TPCN1: variants seen among roughly 807,000 people sequenced by gnomAD.
The protein encoded by TPCN1 is two pore channel protein 1.
A neutral mutation model predicts 108.8 loss-of-function variants in TPCN1; 52 were observed. The ratio of observed to expected loss-of-function variants is 0.48; its 90% CI spans 0.38 to 0.60. The LOEUF (loss-of-function observed/expected upper bound fraction) is 0.60. Among genes scored for constraint, TPCN1 ranks in the 20% least tolerant of loss-of-function variants. The pLI, the probability that TPCN1 is intolerant of heterozygous loss-of-function variation, is 0.00. For missense variants in TPCN1, 806 were observed against 1,072.8 expected, an observed-to-expected ratio of 0.75 and a Z score of 3.47; for synonymous variants, 446 against 433.7, an observed-to-expected ratio of 1.03 and a Z score of -0.35.
chr12:113,229,287 G>A (rs1289277403), intron 2 of TPCN1, among the ~76,000 whole-genome samples: 1 of 152,206 alleles, frequency 6.6e-6, no homozygotes, highest in African/African-American at 2.4e-5. Flanking sequence ...TTCTTACTGG[G>A]TCATTTTTTA....
chr12:113,245,236 T>A (rs1009469672), intron 2 of TPCN1, among the ~76,000 whole-genome samples: 4 of 151,576 alleles, frequency 2.6e-5, no homozygotes, highest in Admixed American at 2.6e-4. Context: ...ACCACTGCAC[T>A]CCAGCCTGGG....
At chr12:113,258,608 T>TC (rs916887212) in intron 2 of TPCN1, among the ~76,000 whole-genome samples, 5 of 152,030 alleles carry the variant, frequency 3.3e-5, no homozygotes, top group African/African-American at 4.8e-5. Context: ...AAAGGGAGAC[T>TC]CCACCTCTAT....
rs142583320 is a variant in TPCN1, at chr12:113,281,329, G to A, written c.1342+1134G>A. 2.9e-3 allele frequency among the ~76,000 whole-genome samples: 445 copies of A among 152,072 alleles called. 2 individuals are homozygous for A. Among genetic ancestry groups the A allele is most frequent in the African/African-American group, 0.01 (420 of 41,498 alleles). On this transcript the variant is annotated intron_variant, in intron 15 of 27. Transcript: ENST00000335509. Reference sequence around the variant, plus strand: ...TGCTGGGATTACAGGCGTGAGCCACGTGCCTGGCCTAGATTCTCAATCTTA... The same window carrying A: ...TGCTGGGATTACAGGCGTGAGCCACATGCCTGGCCTAGATTCTCAATCTTA...
intron 2 of TPCN1, among the ~76,000 whole-genome samples, chr12:113,259,909 G>C (rs982008060): frequency 2.5e-4 from 38 of 152,206 alleles, no homozygotes; most frequent in African/African-American, 9.2e-4. Flanking sequence ...CCCTGCACCA[G>C]GGGACAAATC....
intron 19 of TPCN1, among the ~76,000 whole-genome samples, chr12:113,287,949 G>A (rs891316182): frequency 2.1e-4 from 32 of 152,204 alleles, no homozygotes; most frequent in African/African-American, 7.5e-4. Context: ...CCGCCCAGCC[G>A]GTGTCCTGGG....
intron 2 of TPCN1, among the ~76,000 whole-genome samples, chr12:113,246,761 G>A (rs931436184): frequency 1.3e-5 from 2 of 152,184 alleles, no homozygotes; most frequent in African/African-American, 2.4e-5. Context: ...GGAAGAACCC[G>A]TTCTGCTCTG....
intron 25 of TPCN1, 40 bp downstream of exon 25, chr12:113,291,998 C>T (rs200603923): frequency 3.8e-5 from 59 of 1,562,754 alleles, no homozygotes; most frequent in Non-Finnish European, 5.0e-5. Flanking sequence ...TGATATCTGC[C>T]GCCTACCCAG....
Position 113,251,629 on chromosome 12 carries a change from C to CA in TPCN1, c.113-8738dup, listed in dbSNP as rs1376830546. On this transcript the variant is annotated intron_variant, in intron 2 of 27. Transcript: ENST00000335509. ...CCCTGCATCCTTGGTGCTCCATGGT[C>CA]ACCTGTTGCCTTCGGCGGCCAGCCC... Among the ~76,000 whole-genome samples, 9 of 152,362 alleles carry CA rather than the reference C, an allele frequency of 5.9e-5. No individual in the cohort carries two copies. In the East Asian group the frequency reaches 1.7e-3, roughly 29 times the overall value.
At position 113,280,181 on chromosome 12, in the gene TPCN1, T is replaced by A; in HGVS notation, c.1328T>A (p.Phe443Tyr). The change falls in exon 15 of 28, where the codon TTC becomes TAC. Residue 443 changes from phenylalanine (F) to tyrosine (Y), a missense_variant. Physicochemically the swap from Phe to Tyr is conservative, Grantham distance 22. Transcript: ENST00000335509. The part of the protein sequence containing the change: ...GINILVKSKA[F>Y]QYFMYLVVAV... ...AATATCCTTGTGAAGTCCAAGGCCT[T>A]CCAGTATTTCATGTGTAAGTGTGAA... 6.2e-7 allele frequency: 1 copy of A among 1,608,732 alleles called. No individual in the cohort carries two copies. Among genetic ancestry groups the A allele is most frequent in the Non-Finnish European group, 8.5e-7 (1 of 1,175,594 alleles).
chr12:113,248,553 A>C (rs1593114159), intron 2 of TPCN1, among the ~76,000 whole-genome samples: 2 of 152,178 alleles, frequency 1.3e-5, no homozygotes, highest in Non-Finnish European at 2.9e-5. Context: ...GTTTGTGGAA[A>C]CTGGAAGGTG....
intron 2 of TPCN1, among the ~76,000 whole-genome samples, chr12:113,250,486 TC>T (rs1361126792): frequency 2.0e-5 from 3 of 152,232 alleles, no homozygotes; most frequent in Non-Finnish European, 4.4e-5. Context: ...GATGGGGTAC[TC>T]ACTGCCTCTG....
At chr12:113,225,351 G>A in intron 1 of TPCN1, 1 of 379,794 alleles carries the variant, frequency 2.6e-6, no homozygotes, top group East Asian at 9.0e-5. Context: ...GAGCCACTGT[G>A]CCCAGCCTAT....
Position 113,221,902 on chromosome 12 carries a change from C to T in TPCN1, c.-126+276C>T, listed in dbSNP as rs548662187. On this transcript the variant is annotated intron_variant, in intron 1 of 27. Transcript: ENST00000335509. Reference sequence around the variant, plus strand: ...GCACGTGGAGCTGGAGCCAGCTGTCCTGCCTCCTTCTTCCTCCCTCCCTCG... The same window carrying T: ...GCACGTGGAGCTGGAGCCAGCTGTCTTGCCTCCTTCTTCCTCCCTCCCTCG... Among the ~76,000 whole-genome samples the T allele has an allele frequency of 2.0e-5, 3 of 152,312 alleles. 1 individual carries two copies. The South Asian group carries it at 6.2e-4, about 32-fold the overall frequency.
rs957813706 is a variant in TPCN1 at position 113,259,208 on chromosome 12, C to A, written c.113-1160C>A. On this transcript the variant is annotated intron_variant, in intron 2 of 27. Transcript: ENST00000335509. ...GCCATGCTGGTCTTGAACTCCTGAT[C>A]TCAGGTGATCCGTCCACCTTGGCCT... 3.1e-4 allele frequency among the ~76,000 whole-genome samples: 47 copies of A among 152,166 alleles called. 2 individuals carry two copies. The highest frequency in any genetic ancestry group is 2.7e-3 in the Admixed American group (42 of 15,276).
At position 113,273,400 on chromosome 12, in the gene TPCN1, T is replaced by C. The variant is rs1593170319; in HGVS notation, c.842+110T>C. On this transcript the variant is annotated intron_variant, in intron 9 of 27. Coordinates refer to ENST00000335509, the MANE Select transcript of TPCN1 (RefSeq NM_017901.6). This position sits in a 1 kb window ranked among gnomAD's most constrained non-coding sequence, Gnocchi z 4.0. ...CCAGCACAGGCAGGTGCTGTGGTGC[T>C]ATTGGGAGACAGGGTTGGCCCACTG... 7.4e-7 allele frequency: 1 copy of C among 1,356,918 alleles called. No individual in the cohort carries two copies. The allele number at this position is 1,356,918 out of a possible 1,614,324, so 84.1% of individuals were successfully genotyped here.
chr12:113,279,359 G>GTATATATATA (rs1186995627), intron 14 of TPCN1, among the ~76,000 whole-genome samples: 2 of 41,000 alleles, frequency 4.9e-5, no homozygotes, highest in Admixed American at 4.6e-4. Flanking sequence ...GTGTGTGTGT[G>GTATATATATA]TATATATATA....
intron 2 of TPCN1, among the ~76,000 whole-genome samples, chr12:113,229,722 C>G (rs113884876): frequency 2.0e-3 from 300 of 152,224 alleles, no homozygotes; most frequent in African/African-American, 6.9e-3. Flanking sequence ...GAACTGTTGG[C>G]CTCAAGTGAT....
chr12:113,227,359 C>T (rs749505480), intron 2 of TPCN1, among the ~76,000 whole-genome samples: 4 of 152,278 alleles, frequency 2.6e-5, no homozygotes, highest in Admixed American at 6.5e-5. Context: ...CATCTGAAAC[C>T]GTTGGCAGGA....
intron 10 of TPCN1, among the ~76,000 whole-genome samples, chr12:113,275,836 A>G (rs571922041): frequency 6.6e-6 from 1 of 152,250 alleles, no homozygotes; most frequent in South Asian, 2.1e-4. Context: ...TCGGCCTCCC[A>G]AAGTGCTGGG....
Sources: gnomAD v4.1 joint callset for allele counts (sites outside exome capture counted in the v4.1 genomes callset) on GRCh38, gnomAD v4.1.1 for gene constraint, Gnocchi (gnomAD v3.1) non-coding constraint, MANE v1.5 for transcripts, NCBI Gene and HGNC (gene_info 2026-07-23, HGNC 2026-07-21) for gene names.